SORCS1: variants seen among roughly 807,000 people sequenced by gnomAD.
SORCS1 encodes the protein sortilin related VPS10 domain containing receptor 1.
Under a neutral mutation model 146.1 loss-of-function variants are expected in SORCS1, and 60 were observed. The ratio of observed to expected loss-of-function variants is 0.41; its 90% CI spans 0.33 to 0.51. The LOEUF (loss-of-function observed/expected upper bound fraction) is 0.51, where lower values mean the gene tolerates loss of function less well. Ranked by LOEUF, SORCS1 falls within the 20% of genes least tolerant of loss-of-function variation. The pLI is 0.21. For synonymous variants in SORCS1, 637 were observed against 584.0 expected, an observed-to-expected ratio of 1.09 and a Z score of -1.31; for missense variants, 1,352 against 1,487.6, an observed-to-expected ratio of 0.91 and a Z score of 1.50.
intron 1 of SORCS1, among the ~76,000 whole-genome samples, chr10:107,124,609 G>A (rs1966598699): frequency 1.3e-5 from 2 of 152,094 alleles, no homozygotes; most frequent in African/African-American, 2.4e-5. Context: ...GGTGGTCGAC[G>A]TGATCTGAGC....
Position 106,677,411 on chromosome 10 carries a change from G to A in SORCS1, c.1741-7C>T, listed in dbSNP as rs200095561. 1.2e-6 allele frequency: 2 copies of A among 1,613,002 alleles called. No individual in the cohort carries two copies. Among genetic ancestry groups the A allele is most frequent in the Non-Finnish European group, 1.7e-6 (2 of 1,179,052 alleles). On this transcript the variant is annotated splice_region_variant and splice_polypyrimidine_tract_variant and intron_variant, in intron 12 of 25. Coordinates refer to ENST00000263054, the MANE Select transcript of SORCS1 (RefSeq NM_052918.5). ...TGTGCTCTTCTTCAAAGATCTGGATGAGGAAAACACATACATGGACACACA... is the reference window on the plus strand; with the variant it reads ...TGTGCTCTTCTTCAAAGATCTGGATAAGGAAAACACATACATGGACACACA...
intron 1 of SORCS1, among the ~76,000 whole-genome samples, chr10:107,042,014 A>T (rs1959169206): frequency 6.6e-6 from 1 of 152,216 alleles, no homozygotes; most frequent in African/African-American, 2.4e-5. Flanking sequence ...CATTAACCTT[A>T]AAATGCACTA....
intron 1 of SORCS1, among the ~76,000 whole-genome samples, chr10:106,978,374 G>T (rs184079392): frequency 6.6e-6 from 1 of 152,306 alleles, no homozygotes; most frequent in African/African-American, 2.4e-5. Flanking sequence ...GAGTCTTTAT[G>T]TGTATAATAA....
chr10:106,652,668 T>C, intron 17 of SORCS1, 115 bp from the exon 18 acceptor site: 1 of 1,107,598 alleles, frequency 9.0e-7, no homozygotes, highest in Non-Finnish European at 1.3e-6. Flanking sequence ...CACCTAACCA[T>C]CTTTCATGCT....
At chr10:107,118,819 T>G (rs1189298305) in intron 1 of SORCS1, among the ~76,000 whole-genome samples, 1 of 152,192 alleles carries the variant, frequency 6.6e-6, no homozygotes, top group Non-Finnish European at 1.5e-5. Context: ...AAATAACATA[T>G]AACTATGTCT....
At chr10:107,042,559 C>T (rs1429675251) in intron 1 of SORCS1, among the ~76,000 whole-genome samples, 2 of 151,892 alleles carry the variant, frequency 1.3e-5, no homozygotes, top group Non-Finnish European at 2.9e-5. Flanking sequence ...AAAGGGGTGG[C>T]TCTCATGCTG....
chr10:107,178,501 T>A, the SORCS1 span, among the ~76,000 whole-genome samples: 1 of 149,106 alleles, frequency 6.7e-6, no homozygotes, highest in South Asian at 2.1e-4. Context: ...TATATATATA[T>A]ATTTTTTTTT....
chr10:106,877,784 G>C (rs1016273131), intron 2 of SORCS1, among the ~76,000 whole-genome samples: 3 of 152,144 alleles, frequency 2.0e-5, no homozygotes, highest in Non-Finnish European at 2.9e-5. Flanking sequence ...CCGTATTCTG[G>C]TTCTGTGGTG....
At chr10:106,949,768 C>G (rs1954576843) in intron 2 of SORCS1, among the ~76,000 whole-genome samples, 1 of 152,168 alleles carries the variant, frequency 6.6e-6, no homozygotes, top group Non-Finnish European at 1.5e-5. Flanking sequence ...CCATGTGGAT[C>G]TGAGAACAGG....
intron 1 of SORCS1, among the ~76,000 whole-genome samples, chr10:107,036,345 T>C (rs760902331): frequency 4.6e-5 from 7 of 152,216 alleles, no homozygotes; most frequent in Non-Finnish European, 8.8e-5. Context: ...ACATAAGGAC[T>C]TGAGCATCTG....
intron 18 of SORCS1, among the ~76,000 whole-genome samples, chr10:106,640,046 T>G (rs186663966): frequency 6.6e-6 from 1 of 151,926 alleles, no homozygotes; most frequent in African/African-American, 2.4e-5. Flanking sequence ...AACTGATGCC[T>G]GCCTCAACAT....
chr10:106,942,004 G>C (rs1419208933), intron 2 of SORCS1, among the ~76,000 whole-genome samples: 1 of 152,156 alleles, frequency 6.6e-6, no homozygotes, highest in East Asian at 1.9e-4. Flanking sequence ...GGATGTGGGG[G>C]GAATTGACAA....
At chr10:107,134,426 C>A (rs1219998687) in intron 1 of SORCS1, among the ~76,000 whole-genome samples, 1 of 152,124 alleles carries the variant, frequency 6.6e-6, no homozygotes, top group Non-Finnish European at 1.5e-5. Flanking sequence ...ATCACGAGGT[C>A]AGGAGATCGA....
intron 1 of SORCS1, among the ~76,000 whole-genome samples, chr10:107,051,552 CTAAG>C (rs1960123062): frequency 1.3e-5 from 2 of 152,128 alleles, no homozygotes; most frequent in African/African-American, 4.8e-5. Flanking sequence ...TAGGCACACA[CTAAG>C]TATTTACTAT....
intron 1 of SORCS1, among the ~76,000 whole-genome samples, chr10:106,994,850 G>A (rs1361061837): frequency 6.6e-6 from 1 of 152,148 alleles, no homozygotes; most frequent in African/African-American, 2.4e-5. Flanking sequence ...CCTAGAGGCA[G>A]GCACCAAAAT....
chr10:107,031,201 C>T (rs552038065), intron 1 of SORCS1, among the ~76,000 whole-genome samples: 2 of 152,186 alleles, frequency 1.3e-5, no homozygotes, highest in East Asian at 3.9e-4. Flanking sequence ...TTTTCTAACC[C>T]CTGGACCATG....
In SORCS1 at chr10:107,164,441, G is replaced by C. The variant is rs1304706145; in HGVS notation, c.86C>G (p.Pro29Arg). 1 of 1,406,118 alleles carries C rather than the reference G, an allele frequency of 7.1e-7. No individual in the cohort carries two copies. The highest frequency in any genetic ancestry group is 9.2e-7 in the Non-Finnish European group (1 of 1,086,410). The allele number at this position is 1,406,118 out of a possible 1,614,324, so 87.1% of individuals were successfully genotyped here. ...GCAGGAGCCGCCGCCGCAGACGCCC[G>C]GGGCGCAGAGGATCAAGAGCCCCGC... is the stretch of plus-strand genomic sequence containing the variant. ...AGAGLLILCA[P>R]GVCGGGSCCP... Residue 29 changes from proline (P) to arginine (R), a missense_variant, in exon 1 of 26, where the codon CCG becomes CGG. Coordinates refer to ENST00000263054, the MANE Select transcript of SORCS1 (RefSeq NM_052918.5). The surrounding 1 kb of genome is among the most constrained non-coding windows in gnomAD (Gnocchi z 6.8).
intron 18 of SORCS1, among the ~76,000 whole-genome samples, chr10:106,649,363 G>A (rs1034443832): frequency 9.2e-5 from 14 of 152,160 alleles, no homozygotes; most frequent in African/African-American, 3.4e-4. Flanking sequence ...AGAGGTTTGA[G>A]CAGTGGGACA....
chr10:107,030,568 A>G (rs1203354561), intron 1 of SORCS1, among the ~76,000 whole-genome samples: 3 of 152,246 alleles, frequency 2.0e-5, no homozygotes, highest in Admixed American at 6.5e-5. Context: ...TGAATTTCAC[A>G]GAAGTAAAAA....
Sources: allele counts gnomAD v4.1 joint callset (sites outside exome capture counted in the v4.1 genomes callset), GRCh38; gene constraint gnomAD v4.1.1; non-coding constraint Gnocchi (gnomAD v3.1); transcripts MANE v1.5; gene names NCBI Gene and HGNC (gene_info 2026-07-23, HGNC 2026-07-21).